The following DNAJB6 variants were observed in gnomAD, a reference collection of about 807,000 sequenced individuals.
The protein encoded by DNAJB6 is dnaJ homolog subfamily B member 6.
A neutral mutation model predicts 42.7 loss-of-function variants in DNAJB6; 16 were observed. That is an observed-to-expected ratio of 0.37 (90% CI 0.25 to 0.57). The LOEUF is 0.57. Ranked by LOEUF, DNAJB6 falls within the 20% of genes least tolerant of loss-of-function variation. The probability of loss-of-function intolerance (pLI) is 0.74; values close to 1 mark genes in which losing one functional copy is unlikely to be tolerated. For missense variants in DNAJB6, 347 were observed against 416.8 expected, an observed-to-expected ratio of 0.83 and a Z score of 1.46; for synonymous variants, 170 against 163.5, an observed-to-expected ratio of 1.04 and a Z score of -0.30.
chr7:157,347,398 G>T (rs116896116), intron 1 of DNAJB6, among the ~76,000 whole-genome samples: 2,860 of 152,268 alleles, frequency 0.019, 34 homozygotes, highest in Non-Finnish European at 0.03. Flanking sequence ...AAGATGCAGT[G>T]TCTTTGGTAT....
At chr7:157,340,838 T>C (rs999724058) in intron 1 of DNAJB6, among the ~76,000 whole-genome samples, 5 of 152,004 alleles carry the variant, frequency 3.3e-5, no homozygotes, top group African/African-American at 1.2e-4. Context: ...CTGGCTAATT[T>C]TTGTATTTTT....
At chr7:157,397,487 TGGC>T (rs1033484672) in intron 8 of DNAJB6, among the ~76,000 whole-genome samples, 1 of 152,200 alleles carries the variant, frequency 6.6e-6, no homozygotes, top group Non-Finnish European at 1.5e-5. Flanking sequence ...GGCCTTTTGT[TGGC>T]GGGGTTTCGT....
intron 1 of DNAJB6, among the ~76,000 whole-genome samples, chr7:157,338,349 T>TC (rs1446365343): frequency 6.6e-6 from 1 of 151,964 alleles, no homozygotes; most frequent in Non-Finnish European, 1.5e-5. Context: ...TTTTTTTTTT[T>TC]CCTGAGACGG....
Position 157,416,419 on chromosome 7 carries a change from T to A in DNAJB6, c.*321T>A. The A allele has an allele frequency of 3.2e-6, 1 of 312,092 alleles. No individual in the cohort carries two copies. The highest frequency in any genetic ancestry group is 4.7e-5 in the South Asian group (1 of 21,194). The allele number at this position is 312,092 out of a possible 1,614,324, so 19.3% of individuals were successfully genotyped here. A position where few individuals can be genotyped will look rare whatever the true frequency, so the allele number is the denominator to read the frequency against. Reference sequence around the variant, plus strand: ...TCAACCACTCCGCATGCTGCTGGAATATTTCTGGCTTTAGAAGTACAGGAG... The same window carrying A: ...TCAACCACTCCGCATGCTGCTGGAAAATTTCTGGCTTTAGAAGTACAGGAG... On this transcript the variant is annotated 3_prime_UTR_variant, in exon 10 of 10. Coordinates refer to ENST00000262177, the MANE Select transcript of DNAJB6 (RefSeq NM_058246.4).
At chr7:157,352,014 C>T (rs1020771620) in intron 1 of DNAJB6, among the ~76,000 whole-genome samples, 4 of 150,428 alleles carry the variant, frequency 2.7e-5, no homozygotes, top group Non-Finnish European at 6.0e-5. Context: ...AACAAACAAA[C>T]AAACAAAAAA....
intron 1 of DNAJB6, among the ~76,000 whole-genome samples, chr7:157,340,987 T>G (rs1393824329): frequency 1.2e-5 from 1 of 86,154 alleles, no homozygotes; most frequent in Non-Finnish European, 2.4e-5. Context: ...TGTGTGTGTG[T>G]GTGTGTGTGT....
At chr7:157,364,081 G>GC (rs1214759976) in intron 3 of DNAJB6, among the ~76,000 whole-genome samples, 1 of 151,990 alleles carries the variant, frequency 6.6e-6, no homozygotes, top group Non-Finnish European at 1.5e-5. Flanking sequence ...CAGGTAATTG[G>GC]CCCTTATTTA....
chr7:157,395,684 CTTTTT>C (rs869242320), intron 8 of DNAJB6, among the ~76,000 whole-genome samples: 3 of 131,890 alleles, frequency 2.3e-5, no homozygotes, highest in Non-Finnish European at 3.3e-5. Flanking sequence ...TTTTTCTTTT[CTTTTT>C]TTTTTTTTTT....
intron 8 of DNAJB6, among the ~76,000 whole-genome samples, chr7:157,394,186 TTTG>T (rs1270642763): frequency 3.3e-5 from 5 of 152,246 alleles, no homozygotes; most frequent in African/African-American, 1.2e-4. Flanking sequence ...GTAAAACATT[TTTG>T]TTGACTTCTA....
At chr7:157,395,265 ATGTAGT>A (rs1413002676) in intron 8 of DNAJB6, among the ~76,000 whole-genome samples, 2 of 152,198 alleles carry the variant, frequency 1.3e-5, no homozygotes, top group African/African-American at 4.8e-5. Flanking sequence ...TGGCCACTTA[ATGTAGT>A]TAAAGCAATA....
intron 5 of DNAJB6, among the ~76,000 whole-genome samples, chr7:157,375,653 C>T (rs1028692894): frequency 3.9e-5 from 6 of 152,206 alleles, no homozygotes; most frequent in African/African-American, 7.2e-5. Context: ...GGCGGAGCTC[C>T]GGCCGTGTTC....
intron 1 of DNAJB6, among the ~76,000 whole-genome samples, chr7:157,347,509 G>C (rs1446582308): frequency 6.6e-6 from 1 of 152,156 alleles, no homozygotes; most frequent in Non-Finnish European, 1.5e-5. Context: ...GCTCGGCTCA[G>C]ACTTGGGTTT....
intron 1 of DNAJB6, among the ~76,000 whole-genome samples, chr7:157,341,971 A>G (rs1445609594): frequency 6.6e-6 from 1 of 152,018 alleles, no homozygotes; most frequent in African/African-American, 2.4e-5. Context: ...GGTTCAAGCG[A>G]TTCTCCTGCC....
chr7:157,337,798 C>G (rs572467807), intron 1 of DNAJB6: 1 of 152,246 alleles, frequency 6.6e-6, no homozygotes, highest in Non-Finnish European at 1.5e-5. Flanking sequence ...TACATTAACT[C>G]TTACCTAAGG....
At chr7:157,340,162 C>A (rs547068292) in intron 1 of DNAJB6, 6 of 152,182 alleles carry the variant, frequency 3.9e-5, no homozygotes, top group Non-Finnish European at 7.4e-5. Flanking sequence ...ATTTTTACTT[C>A]TTAGTATTTA....
intron 1 of DNAJB6, among the ~76,000 whole-genome samples, chr7:157,344,088 C>A (rs1798558455): frequency 6.6e-6 from 1 of 152,130 alleles, no homozygotes; most frequent in Admixed American, 6.6e-5. Flanking sequence ...CACCTGTAAT[C>A]CCAGTACTTT....
At chr7:157,342,696 A>T (rs950122611) in intron 1 of DNAJB6, among the ~76,000 whole-genome samples, 4 of 151,614 alleles carry the variant, frequency 2.6e-5, no homozygotes, top group African/African-American at 9.7e-5. Flanking sequence ...ACCTCAATCC[A>T]CCTTCCTCGA....
chr7:157,405,858 T>G (rs1277566378), intron 8 of DNAJB6, among the ~76,000 whole-genome samples: 1 of 152,256 alleles, frequency 6.6e-6, no homozygotes, highest in Non-Finnish European at 1.5e-5. Flanking sequence ...GCTGTGACTG[T>G]TCTCCAGCCA....
intron 9 of DNAJB6, 109 bp downstream of exon 9, chr7:157,410,110 C>T (rs1286885292): frequency 4.9e-6 from 7 of 1,419,150 alleles, no homozygotes; most frequent in East Asian, 5.3e-5. Flanking sequence ...CTGACCTGAG[C>T]GGGCGTGGGC....
Sources: allele counts gnomAD v4.1 joint callset (sites outside exome capture counted in the v4.1 genomes callset), GRCh38; gene constraint gnomAD v4.1.1; transcripts MANE v1.5; gene names NCBI Gene and HGNC (gene_info 2026-07-23, HGNC 2026-07-21).